FRMPD1: variants seen among roughly 807,000 people sequenced by gnomAD.
The protein encoded by FRMPD1 is FERM and PDZ domain-containing protein 1.
A neutral mutation model predicts 117.8 loss-of-function variants in FRMPD1; 76 were observed. That is an observed-to-expected ratio of 0.65 (90% confidence interval 0.54 to 0.78). The LOEUF (loss-of-function observed/expected upper bound fraction) is 0.78, where lower values mean the gene tolerates loss of function less well. Among genes scored for constraint, FRMPD1 ranks in the 30% least tolerant of loss-of-function variants. The probability of loss-of-function intolerance (pLI) is 0.00; values close to 1 mark genes in which losing one functional copy is unlikely to be tolerated. For synonymous variants in FRMPD1, 783 were observed against 770.4 expected (o/e 1.02, Z -0.27); for missense variants, 1,786 against 1,964.5 (o/e 0.91, Z 1.72).
chr9:37,677,970 G>A (rs905609132), intron 1 of FRMPD1, among the ~76,000 whole-genome samples: 6 of 152,146 alleles, frequency 3.9e-5, no homozygotes, highest in African/African-American at 1.4e-4. Context: ...TTGGCAAATT[G>A]TTGATGATCA....
chr9:37,736,978 C>G, intron 13 of FRMPD1, 118 bp from the exon 14 acceptor site: 2 of 748,018 alleles, frequency 2.7e-6, no homozygotes, highest in East Asian at 4.9e-5. Flanking sequence ...GGAGACCTAC[C>G]TGTGGACCAT....
At chr9:37,667,727 T>C (rs2119406819) in intron 1 of FRMPD1, among the ~76,000 whole-genome samples, 1 of 152,104 alleles carries the variant, frequency 6.6e-6, no homozygotes, top group South Asian at 2.1e-4. Flanking sequence ...TGCTTATTTC[T>C]TTTTCAACCT....
At chr9:37,636,093 A>AT in the FRMPD1 span, among the ~76,000 whole-genome samples, 1 of 152,182 alleles carries the variant, frequency 6.6e-6, no homozygotes, top group Non-Finnish European at 1.5e-5. Context: ...GCCGCCCTCG[A>AT]TATACTCAGA....
intron 5 of FRMPD1, among the ~76,000 whole-genome samples, chr9:37,714,003 T>C (rs927917920): frequency 1.3e-5 from 2 of 152,234 alleles, no homozygotes; most frequent in African/African-American, 4.8e-5. Flanking sequence ...ATTTGACAAA[T>C]GTTATCTTTT....
intron 14 of FRMPD1, among the ~76,000 whole-genome samples, chr9:37,738,385 G>A (rs913995432): frequency 6.6e-6 from 1 of 152,010 alleles, no homozygotes; most frequent in Non-Finnish European, 1.5e-5. Flanking sequence ...TGTCACCCAG[G>A]CTGGAGTGCA....
At chr9:37,658,199 C>T (rs79914278) in intron 1 of FRMPD1, among the ~76,000 whole-genome samples, 10,716 of 152,078 alleles carry the variant, frequency 0.07, 489 homozygotes, top group South Asian at 0.12. Flanking sequence ...TCAGCCCAGA[C>T]AGGAGCAAGC....
intron 2 of FRMPD1, among the ~76,000 whole-genome samples, chr9:37,706,009 G>C: frequency 6.9e-6 from 1 of 144,940 alleles, no homozygotes; most frequent in Non-Finnish European, 1.5e-5. Flanking sequence ...ATAAAAGATT[G>C]AAAAAAAATC....
intron 1 of FRMPD1, among the ~76,000 whole-genome samples, chr9:37,655,470 C>T (rs1239963180): frequency 1.3e-5 from 2 of 151,234 alleles, no homozygotes; most frequent in Non-Finnish European, 2.9e-5. Flanking sequence ...TCTCTCACAC[C>T]CCCTCCTCTG....
At chr9:37,655,120 C>G (rs1167707911) in intron 1 of FRMPD1, among the ~76,000 whole-genome samples, 1 of 152,308 alleles carries the variant, frequency 6.6e-6, no homozygotes, top group East Asian at 1.9e-4. Flanking sequence ...AGCCATCATC[C>G]CCTCCTCCTC....
At chr9:37,621,640 C>T in the FRMPD1 span, among the ~76,000 whole-genome samples, 1 of 152,200 alleles carries the variant, frequency 6.6e-6, no homozygotes, top group African/African-American at 2.4e-5. Context: ...AATGCTTTGG[C>T]TGTGGAACAA....
intron 1 of FRMPD1, among the ~76,000 whole-genome samples, chr9:37,677,736 G>A (rs1214195809): frequency 6.6e-6 from 1 of 152,190 alleles, no homozygotes. Context: ...ATACCATGAC[G>A]TGACCACCAA....
intron 1 of FRMPD1, among the ~76,000 whole-genome samples, chr9:37,655,756 G>A (rs113227420): frequency 1.3e-5 from 2 of 151,916 alleles, no homozygotes; most frequent in African/African-American, 4.8e-5. Flanking sequence ...ACCCGCCTCG[G>A]CCTCCCAAAG....
chr9:37,628,244 G>T, the FRMPD1 span, among the ~76,000 whole-genome samples: 1 of 152,226 alleles, frequency 6.6e-6, no homozygotes, highest in Non-Finnish European at 1.5e-5. Context: ...TTGCAAGGCT[G>T]TGTGCACCAA....
intron 6 of FRMPD1, among the ~76,000 whole-genome samples, chr9:37,721,912 C>T (rs750338978): frequency 6.6e-6 from 1 of 152,122 alleles, no homozygotes; most frequent in Non-Finnish European, 1.5e-5. Context: ...TATTGCAGCT[C>T]TCTAAAAACT....
chr9:37,732,389 A>T lies in FRMPD1; in HGVS notation c.944A>T (p.Glu315Val). Reference protein sequence around the residue: ...ALRLAALHIQERIYACAQPQK... With the variant: ...ALRLAALHIQVRIYACAQPQK... ...CGACTCGCGGCTCTGCACATCCAGG[A>T]ACGGATCTACGCCTGTGCCCAGCCA... Residue 315 changes from glutamate (E) to valine (V), a missense_variant, in exon 10 of 16, where the codon GAA becomes GTA. Glu to Val is a moderately radical substitution (Grantham distance 121). Transcript: ENST00000377765. 6.2e-7 allele frequency: 1 copy of T among 1,613,966 alleles called. No homozygotes were observed. Among genetic ancestry groups the T allele is most frequent in the East Asian group, 2.2e-5 (1 of 44,888 alleles).
chr9:37,620,297 A>T, the FRMPD1 span, among the ~76,000 whole-genome samples: 1 of 152,222 alleles, frequency 6.6e-6, no homozygotes, highest in Non-Finnish European at 1.5e-5. Context: ...ATTGCTGAGA[A>T]CCAAAAATAA....
At chr9:37,696,105 A>C (rs1311806022) in intron 2 of FRMPD1, among the ~76,000 whole-genome samples, 1 of 103,568 alleles carries the variant, frequency 9.7e-6, no homozygotes. Context: ...GCTCTTTCCT[A>C]TCTCAGGGAT....
chr9:37,653,414 G>A (rs1820741057), intron 1 of FRMPD1, among the ~76,000 whole-genome samples: 1 of 152,326 alleles, frequency 6.6e-6, no homozygotes, highest in Non-Finnish European at 1.5e-5. Context: ...CTCACCAGCA[G>A]CAGAGAGTTC....
the FRMPD1 span, among the ~76,000 whole-genome samples, chr9:37,613,886 A>G: frequency 1.3e-5 from 2 of 152,250 alleles, no homozygotes; most frequent in Non-Finnish European, 2.9e-5. Context: ...TGGAAGCTGC[A>G]TAAGGGCAGA....
Sources: gnomAD v4.1 joint callset for allele counts (sites outside exome capture counted in the v4.1 genomes callset) on GRCh38, gnomAD v4.1.1 for gene constraint, MANE v1.5 for transcripts, NCBI Gene and HGNC (gene_info 2026-07-23, HGNC 2026-07-21) for gene names.